Variants in NHSL1 observed in about 807,000 individuals in gnomAD.
NHSL1 encodes the protein NHS like 1.
A neutral mutation model predicts 95.0 loss-of-function variants in NHSL1; 48 were observed. The observed-to-expected ratio is 0.51, with a 90% CI of 0.40 to 0.64. The LOEUF (loss-of-function observed/expected upper bound fraction) is 0.64, where lower values mean the gene tolerates loss of function less well. Ranked by LOEUF, NHSL1 falls within the 30% of genes least tolerant of loss-of-function variation. The pLI, the probability that NHSL1 is intolerant of heterozygous loss-of-function variation, is 0.00. For synonymous variants in NHSL1, 783 were observed against 833.9 expected (o/e 0.94, Z 1.05); for missense variants, 1,971 against 2,077.7 (o/e 0.95, Z 1.00).
chr6:138,505,002 T>C (rs7775124), intron 1 of NHSL1, among the ~76,000 whole-genome samples: 88,769 of 152,036 alleles, frequency 0.58, 27,278 homozygotes, highest in East Asian at 0.95. Flanking sequence ...ATCTTTAGTA[T>C]GATCTTAAAG....
intron 1 of NHSL1, among the ~76,000 whole-genome samples, chr6:138,597,906 T>C (rs1784322047): frequency 2.0e-5 from 3 of 152,156 alleles, no homozygotes; most frequent in Non-Finnish European, 4.4e-5. Context: ...ACCTACAGGT[T>C]ATGCCAGCAC....
At position 138,422,590 on chromosome 6, in the gene NHSL1, T is replaced by TAG. The variant is rs1774987936; in HGVS notation, c.*1489_*1490dup. 6.6e-6 allele frequency: 1 copy of TAG among 152,220 alleles called. No homozygotes were observed. Among genetic ancestry groups the TAG allele is most frequent in the Non-Finnish European group, 1.5e-5 (1 of 68,044 alleles). 9.4% of individuals were successfully genotyped at this position (152,220 alleles called of 1,614,324 possible). A position where few individuals can be genotyped will look rare whatever the true frequency, so the allele number is the denominator to read the frequency against. On this transcript the variant is annotated 3_prime_UTR_variant, in exon 8 of 8. Coordinates refer to ENST00000343505, the MANE Select transcript of NHSL1 (RefSeq NM_001144060.2). Reference sequence around the variant, plus strand: ...CCTTCTAATGAAGAAGACAATACTCTAGTTTATTTAACAAATAAAGGAGTC... The same window carrying TAG: ...CCTTCTAATGAAGAAGACAATACTCTAGAGTTTATTTAACAAATAAAGGAGTC...
At chr6:138,437,341 TACACATATATATATAC>T (rs1776196948) in intron 5 of NHSL1, among the ~76,000 whole-genome samples, 1 of 24,708 alleles carries the variant, frequency 4.0e-5, no homozygotes, top group African/African-American at 1.6e-4. Flanking sequence ...TATATATATA[TACACATATATATATAC>T]ACATATATAT....
At chr6:138,500,039 C>T (rs1008872270), upstream of NHSL1, among the ~76,000 whole-genome samples, 4 of 151,610 alleles carry the variant, frequency 2.6e-5, no homozygotes, top group Non-Finnish European at 5.9e-5. Context: ...ATTGTGTGTT[C>T]CAAAGCATGA....
At chr6:138,519,512 A>G (rs1226095383) in intron 1 of NHSL1, among the ~76,000 whole-genome samples, 2 of 152,220 alleles carry the variant, frequency 1.3e-5, no homozygotes, top group African/African-American at 4.8e-5. Context: ...ATCACAATAC[A>G]TGAATAATTT....
At chr6:138,514,727 G>A (rs1013088170) in intron 1 of NHSL1, among the ~76,000 whole-genome samples, 5 of 152,148 alleles carry the variant, frequency 3.3e-5, no homozygotes, top group African/African-American at 1.2e-4. Flanking sequence ...AGACCAGCCT[G>A]GGGAACATAG....
At chr6:138,541,202 A>G (rs1429749303) in intron 1 of NHSL1, among the ~76,000 whole-genome samples, 1 of 152,096 alleles carries the variant, frequency 6.6e-6, no homozygotes, top group Non-Finnish European at 1.5e-5. Context: ...CCTCATCTCT[A>G]ATAAAAATAC....
At chr6:138,589,996 C>CTTTGA (rs1562384815) in intron 1 of NHSL1, among the ~76,000 whole-genome samples, 1 of 151,850 alleles carries the variant, frequency 6.6e-6, no homozygotes, top group African/African-American at 2.4e-5. Flanking sequence ...TATTTCTACT[C>CTTTGA]TTTTATTTTA....
At chr6:138,691,840 T>C (rs753110334) in intron 1 of NHSL1, 3 of 453,454 alleles carry the variant, frequency 6.6e-6, no homozygotes, top group South Asian at 3.1e-5. Context: ...ATTCAGAGCC[T>C]GAACTCAAGG....
At chr6:138,572,417 C>T (rs1783873645) in exon 1 of NHSL1, 1 of 153,696 alleles carries the variant, frequency 6.5e-6, no homozygotes, top group Non-Finnish European at 1.4e-5. Context: ...TCAAGCCAGG[C>T]ACCCAGTTTA....
At chr6:138,466,313 T>C (rs537903365) in intron 3 of NHSL1, among the ~76,000 whole-genome samples, 1 of 152,286 alleles carries the variant, frequency 6.6e-6, no homozygotes, top group South Asian at 2.1e-4. Context: ...AGTGCTGGGA[T>C]TACAGGCGTG....
chr6:138,655,115 A>C (rs2114718389), intron 1 of NHSL1, among the ~76,000 whole-genome samples: 1 of 152,336 alleles, frequency 6.6e-6, no homozygotes, highest in East Asian at 1.9e-4. Flanking sequence ...CAAGGAGGGA[A>C]AGAAACTAAG....
chr6:138,444,536 C>G (rs114719651), intron 4 of NHSL1, among the ~76,000 whole-genome samples: 1,723 of 151,984 alleles, frequency 0.011, 36 homozygotes, highest in African/African-American at 0.039. Context: ...TAACATTCTA[C>G]CTCTATGCAT....
intron 2 of NHSL1, among the ~76,000 whole-genome samples, chr6:138,482,170 C>T (rs577134096): frequency 2.0e-5 from 3 of 152,246 alleles, no homozygotes; most frequent in East Asian, 1.9e-4. Context: ...AAGATGAAGC[C>T]GGGCGTGGTG....
chr6:138,576,778 T>A (rs994490133), upstream of NHSL1, among the ~76,000 whole-genome samples: 4 of 152,212 alleles, frequency 2.6e-5, no homozygotes, highest in Non-Finnish European at 5.9e-5. Context: ...AGACCCTGCA[T>A]AATGACCCCC....
chr6:138,615,348 T>C (rs538952571), intron 1 of NHSL1, among the ~76,000 whole-genome samples: 1 of 152,368 alleles, frequency 6.6e-6, no homozygotes, highest in East Asian at 1.9e-4. Flanking sequence ...TATGATTCTA[T>C]TCATACACAT....
At chr6:138,467,077 TTGATAA>T (rs1164454987) in intron 3 of NHSL1, among the ~76,000 whole-genome samples, 2 of 152,164 alleles carry the variant, frequency 1.3e-5, no homozygotes, top group African/African-American at 4.8e-5. Context: ...TACATCATAC[TTGATAA>T]TGATAACAAG....
Position 138,437,437 on chromosome 6 carries a change from CACACACACAAAAAAAAAAAAAA to C in NHSL1, c.665-3779_665-3758del, listed in dbSNP as rs1562270857. On this transcript the variant is annotated intron_variant, in intron 5 of 7. Coordinates refer to ENST00000343505, the MANE Select transcript of NHSL1 (RefSeq NM_001144060.2). Reference sequence around the variant, plus strand: ...ATACACACACACACACACACACACACACACACACAAAAAAAAAAAAAAAAAATACAATGCACCTAGTCACCCC... The same window carrying C: ...ATACACACACACACACACACACACACAAAATACAATGCACCTAGTCACCCC... Among the ~76,000 whole-genome samples the C allele has an allele frequency of 3.7e-4, 14 of 37,348 alleles. 1 individual carries two copies. The highest frequency in any genetic ancestry group is 1.3e-3 in the African/African-American group (12 of 8,990). The allele number at this position is 37,348 out of a possible 152,430, so 24.5% of individuals were successfully genotyped here.
intron 1 of NHSL1, among the ~76,000 whole-genome samples, chr6:138,536,485 C>T (rs1220671109): frequency 2.6e-5 from 4 of 151,748 alleles, no homozygotes; most frequent in Non-Finnish European, 4.4e-5. Flanking sequence ...TGATGGCAAA[C>T]ATCAAACTAA....
Sources: allele counts gnomAD v4.1 joint callset (sites outside exome capture counted in the v4.1 genomes callset), GRCh38; gene constraint gnomAD v4.1.1; transcripts MANE v1.5; gene names NCBI Gene and HGNC (gene_info 2026-07-23, HGNC 2026-07-21).